The following ANKRD31 variants were observed in gnomAD, a reference collection of about 807,000 sequenced individuals.
ANKRD31 encodes ankyrin repeat domain-containing protein 31.
ANKRD31 carries 147 observed loss-of-function variants against 186.0 expected under a neutral mutation model. That is an observed-to-expected ratio of 0.79 (90% CI 0.69 to 0.91). The LOEUF is 0.91. ANKRD31 is among the 40% of genes least tolerant of loss of function. ANKRD31 has a pLI of 0.00. For synonymous variants in ANKRD31, 673 were observed against 736.4 expected (o/e 0.91, Z 1.39); for missense variants, 1,986 against 2,148.8 (o/e 0.92, Z 1.50).
At chr5:75,075,644 C>A (rs919445851) in intron 25 of ANKRD31, among the ~76,000 whole-genome samples, 1 of 152,118 alleles carries the variant, frequency 6.6e-6, no homozygotes, top group African/African-American at 2.4e-5. Context: ...CATACCCTTA[C>A]TTTAGCCCTT....
chr5:75,118,146 G>T lies in ANKRD31; in HGVS notation c.4028C>A (p.Ala1343Asp). ...ATTGATATACATACCATTGACTATA[G>T]CATCACTCTCATCTCTATTAACAGT... ...IETVNRDESD[A>D]IVNEKIPAVR... is the part of the protein sequence containing the mutation. The change falls in exon 18 of 26, where the codon GCT becomes GAT. Residue 1343 changes from alanine (A) to aspartate (D), a missense_variant. Coordinates refer to ENST00000506364, the MANE Select transcript of ANKRD31 (RefSeq NM_001372053.1). The T allele has an allele frequency of 6.8e-7, 1 of 1,477,324 alleles. No homozygotes were observed. Among genetic ancestry groups the T allele is most frequent in the Non-Finnish European group, 8.9e-7 (1 of 1,125,258 alleles). The allele number at this position is 1,477,324 out of a possible 1,614,324, so 91.5% of individuals were successfully genotyped here. A position where few individuals can be genotyped will look rare whatever the true frequency, so the allele number is the denominator to read the frequency against.
intron 13 of ANKRD31, 64 bp from the exon 14 acceptor site, chr5:75,147,569 G>A (rs1751567973): frequency 2.0e-6 from 2 of 1,013,460 alleles, no homozygotes; most frequent in South Asian, 2.4e-5. Flanking sequence ...AATTCAATCT[G>A]GATTATTGAT....
At chr5:75,136,038 A>T (rs1190001700) in intron 17 of ANKRD31, among the ~76,000 whole-genome samples, 1 of 152,208 alleles carries the variant, frequency 6.6e-6, no homozygotes, top group East Asian at 1.9e-4. Context: ...AAAGACTTAA[A>T]TGTAGACCTA....
intron 25 of ANKRD31, among the ~76,000 whole-genome samples, chr5:75,072,229 A>T (rs1396634216): frequency 6.6e-6 from 1 of 152,132 alleles, no homozygotes; most frequent in African/African-American, 2.4e-5. Context: ...GAAAAACTAT[A>T]TTTTTCAGAC....
intron 10 of ANKRD31, among the ~76,000 whole-genome samples, chr5:75,172,695 T>C (rs992062234): frequency 1.3e-5 from 2 of 152,024 alleles, no homozygotes; most frequent in Non-Finnish European, 2.9e-5. Flanking sequence ...CAGGAAGAAG[T>C]TGAATCTCTG....
chr5:75,146,389 T>G lies in ANKRD31; in HGVS notation c.3022A>C (p.Asn1008His). ...FDHSNGNPEQ[N>H]SLACMRTLLT... ...AGTGTTCTCATACAAGCCAGGGAAT[T>G]TTGCTCAGGATTGCCATTTGAGTGA... is the stretch of plus-strand genomic sequence containing the variant. The change falls in exon 14 of 26, where the codon AAT (asparagine) becomes CAT (histidine). Residue 1008 changes from asparagine (N) to histidine (H), a missense_variant. Physicochemically the swap from Asn to His is moderately conservative, Grantham distance 68 (BLOSUM62 1). Coordinates refer to ENST00000506364, the MANE Select transcript of ANKRD31 (RefSeq NM_001372053.1). 6.5e-7 allele frequency: 1 copy of G among 1,536,576 alleles called. No homozygotes were observed. The highest frequency in any genetic ancestry group is 1.4e-5 in the African/African-American group (1 of 73,092).
intron 20 of ANKRD31, among the ~76,000 whole-genome samples, chr5:75,112,040 T>C (rs1747830288): frequency 6.6e-6 from 1 of 152,164 alleles, no homozygotes; most frequent in Non-Finnish European, 1.5e-5. Context: ...AACATATCAC[T>C]GGTATAGCTT....
chr5:75,193,568 A>C lies in ANKRD31; in HGVS notation c.1041T>G (p.Ser347=), dbSNP rs1755262341. 1 of 1,536,506 alleles carries C rather than the reference A, an allele frequency of 6.5e-7. No homozygotes were observed. Among genetic ancestry groups the C allele is most frequent in the East Asian group, 2.4e-5 (1 of 40,896 alleles). ...TTTGATGAGCCAAAGTTTGCAATCC[A>C]GATGGATTTGGGTCTTGCAGAGTCT... is the stretch of plus-strand genomic sequence containing the variant. ...IAETLQDPNP[S]GLQTLAHQNI... is the part of the protein sequence containing the mutation. Residue 347 remains serine, a synonymous_variant, in exon 8 of 26, where the codon TCT becomes TCG. Transcript: ENST00000506364.
intron 5 of ANKRD31, among the ~76,000 whole-genome samples, chr5:75,202,111 A>G (rs529005395): frequency 4.1e-4 from 63 of 152,324 alleles, no homozygotes; most frequent in African/African-American, 1.4e-3. Flanking sequence ...CCTAAAATGT[A>G]TAAAACTAGG....
chr5:75,106,657 T>C (rs6889839), intron 21 of ANKRD31, among the ~76,000 whole-genome samples: 20,116 of 151,832 alleles, frequency 0.13, 1,478 homozygotes, highest in Middle Eastern at 0.26. Context: ...GTATAGTACA[T>C]GGTTAACCAC....
At chr5:75,194,583 C>T (rs1227319039) in intron 7 of ANKRD31, among the ~76,000 whole-genome samples, 11 of 151,652 alleles carry the variant, frequency 7.3e-5, no homozygotes, top group South Asian at 2.1e-4. Flanking sequence ...TTTTGGTAAT[C>T]GGAAGATAAA....
intron 24 of ANKRD31, among the ~76,000 whole-genome samples, chr5:75,083,462 C>T (rs1224732157): frequency 6.6e-6 from 1 of 152,172 alleles, no homozygotes; most frequent in East Asian, 1.9e-4. Context: ...GGCATGGTGG[C>T]TCACACCTGT....
intron 19 of ANKRD31, 146 bp from the exon 20 acceptor site, chr5:75,112,746 C>G (rs184066887): frequency 8.2e-6 from 4 of 490,762 alleles, no homozygotes; most frequent in Non-Finnish European, 1.4e-5. Context: ...TGTACTCATA[C>G]GTTGTATAAG....
chr5:75,114,218 C>T (rs538051096), intron 19 of ANKRD31, among the ~76,000 whole-genome samples: 2 of 152,202 alleles, frequency 1.3e-5, no homozygotes, highest in African/African-American at 4.8e-5. Flanking sequence ...GGCAGCTAAA[C>T]CAGGCTGCTT....
chr5:75,165,781 G>A (rs572531950), intron 11 of ANKRD31, among the ~76,000 whole-genome samples: 52 of 152,126 alleles, frequency 3.4e-4, no homozygotes, highest in African/African-American at 1.2e-3. Flanking sequence ...CAACAAATAG[G>A]AGACATAAAA....
chr5:75,068,716 G>A, intron 25 of ANKRD31, 52 bp from the exon 26 acceptor site: 2 of 1,432,278 alleles, frequency 1.4e-6, no homozygotes, highest in Non-Finnish European at 1.8e-6. Context: ...AATTTAAGAT[G>A]TAAATTTTGC....
intron 17 of ANKRD31, among the ~76,000 whole-genome samples, chr5:75,123,746 C>T (rs1003190455): frequency 2.0e-5 from 3 of 151,808 alleles, no homozygotes; most frequent in East Asian, 3.9e-4. Flanking sequence ...GATTGCCATA[C>T]GTAGAAGAAT....
In ANKRD31 at chr5:75,135,010, C is replaced by T. The variant is rs141860373; in HGVS notation, c.3876+2846G>A. Among the ~76,000 whole-genome samples the T allele has an allele frequency of 2.1e-3, 327 of 152,188 alleles. 1 individual carries two copies. Among genetic ancestry groups the T allele is most frequent in the African/African-American group, 7.1e-3 (296 of 41,518 alleles). On this transcript the variant is annotated intron_variant, in intron 17 of 25. Transcript: ENST00000506364. ...CTCAATAAACTAGGTATTGATGGGA[C>T]GTATCTCAAAATAATAAGAGCTATT...
At position 75,146,788 on chromosome 5, in the gene ANKRD31, T is replaced by A. The variant is rs2150145455; in HGVS notation, c.2623A>T (p.Asn875Tyr). 6.5e-7 allele frequency: 1 copy of A among 1,536,198 alleles called. No homozygotes were observed. Among genetic ancestry groups the A allele is most frequent in the South Asian group, 1.2e-5 (1 of 84,014 alleles). The change falls in exon 14 of 26, where the codon AAC becomes TAC. Residue 875 changes from asparagine (N) to tyrosine (Y), a missense_variant. Coordinates refer to ENST00000506364, the MANE Select transcript of ANKRD31 (RefSeq NM_001372053.1). ...HVLYKSHENS[N>Y]LVPKDERFNK... ...AATCTCTCATCTTTTGGGACCAAGT[T>A]ACTGTTTTCATGAGATTTATAAAGT... is the stretch of plus-strand genomic sequence containing the variant.
Sources: allele counts gnomAD v4.1 joint callset (sites outside exome capture counted in the v4.1 genomes callset), GRCh38; gene constraint gnomAD v4.1.1; transcripts MANE v1.5; gene names NCBI Gene and HGNC (gene_info 2026-07-23, HGNC 2026-07-21).